Variants in RAD51B observed in about 807,000 individuals in gnomAD.
RAD51B encodes the protein RAD51 paralog B.
Under a neutral mutation model 42.2 loss-of-function variants are expected in RAD51B, and 38 were observed. The ratio of observed to expected loss-of-function variants is 0.90; its 90% CI spans 0.70 to 1.18. The LOEUF is 1.18. Among genes scored for constraint, RAD51B ranks in the 50% most tolerant of loss-of-function variants. The pLI is 0.00. For synonymous variants in RAD51B, 154 were observed against 145.2 expected (o/e 1.06, Z -0.43); for missense variants, 373 against 400.7 (o/e 0.93, Z 0.59).
intron 7 of RAD51B, among the ~76,000 whole-genome samples, chr14:67,914,268 C>T (rs1595100021): frequency 6.6e-6 from 1 of 152,178 alleles, no homozygotes; most frequent in Non-Finnish European, 1.5e-5. Context: ...TAGGTCTGAG[C>T]CCCTGTGCCC....
intron 7 of RAD51B, among the ~76,000 whole-genome samples, chr14:68,030,090 TGTTCTATTTCCA>T (rs1268666745): frequency 6.6e-6 from 1 of 152,242 alleles, no homozygotes; most frequent in Non-Finnish European, 1.5e-5. Context: ...TAGGTTTTGT[TGTTCTATTTCCA>T]GTGCACAGGC....
intron 8 of RAD51B, among the ~76,000 whole-genome samples, chr14:68,377,833 G>A (rs1328186598): frequency 6.6e-6 from 1 of 152,240 alleles, no homozygotes; most frequent in Non-Finnish European, 1.5e-5. Flanking sequence ...AAGGGAAGGA[G>A]CGAGACAAAA....
chr14:67,927,428 C>G (rs1480915862), intron 7 of RAD51B, among the ~76,000 whole-genome samples: 2 of 152,024 alleles, frequency 1.3e-5, no homozygotes, highest in African/African-American at 4.8e-5. Context: ...AACATTAGAT[C>G]TTGTTTCTTC....
intron 10 of RAD51B, among the ~76,000 whole-genome samples, chr14:68,474,552 G>A (rs984536712): frequency 7.9e-5 from 12 of 152,204 alleles, no homozygotes; most frequent in Non-Finnish European, 1.6e-4. Context: ...GTTCCAGAAA[G>A]GTAAAGTAAT....
intron 7 of RAD51B, among the ~76,000 whole-genome samples, chr14:68,175,269 T>A (rs1219062690): frequency 6.6e-6 from 1 of 152,228 alleles, no homozygotes; most frequent in Non-Finnish European, 1.5e-5. Context: ...AAAGTTGGTA[T>A]GTTTATAAAA....
intron 10 of RAD51B, among the ~76,000 whole-genome samples, chr14:68,506,386 G>A (rs1297336918): frequency 1.3e-5 from 2 of 152,202 alleles, no homozygotes; most frequent in Non-Finnish European, 1.5e-5. Context: ...CAGGCTCGGG[G>A]TAAATGCTAC....
At chr14:68,460,011 A>G (rs1170370537) in intron 9 of RAD51B, among the ~76,000 whole-genome samples, 1 of 152,228 alleles carries the variant, frequency 6.6e-6, no homozygotes, top group Non-Finnish European at 1.5e-5. Context: ...AAGAGAAAGT[A>G]GAAGAATCAG....
intron 11 of RAD51B, among the ~76,000 whole-genome samples, chr14:68,675,027 A>G (rs1893275239): frequency 6.6e-6 from 1 of 152,204 alleles, no homozygotes; most frequent in Non-Finnish European, 1.5e-5. Flanking sequence ...GGACTTTACC[A>G]TAAGCCATAG....
At chr14:68,278,649 G>A (rs1042307647) in intron 7 of RAD51B, among the ~76,000 whole-genome samples, 2 of 152,224 alleles carry the variant, frequency 1.3e-5, no homozygotes, top group African/African-American at 2.4e-5. Flanking sequence ...AGGGCTGAAA[G>A]AGCCAGTTAC....
chr14:68,046,715 G>A (rs1263319118), intron 7 of RAD51B, among the ~76,000 whole-genome samples: 4 of 152,146 alleles, frequency 2.6e-5, no homozygotes, highest in South Asian at 2.1e-4. Context: ...CAACCTGGGC[G>A]ACAGAGTGAG....
intron 7 of RAD51B, among the ~76,000 whole-genome samples, chr14:68,140,691 CT>C (rs1302070230): frequency 6.6e-6 from 1 of 152,196 alleles, no homozygotes; most frequent in Non-Finnish European, 1.5e-5. Context: ...TTTTGCAGTC[CT>C]CTTCATACCC....
At chr14:67,841,351 A>C (rs567365396) in intron 4 of RAD51B, among the ~76,000 whole-genome samples, 7 of 152,204 alleles carry the variant, frequency 4.6e-5, no homozygotes, top group Non-Finnish European at 7.3e-5. Context: ...TAGTTTGTGA[A>C]TATTTTCTCC....
chr14:68,279,742 T>G (rs2081286568), intron 7 of RAD51B, among the ~76,000 whole-genome samples: 1 of 152,224 alleles, frequency 6.6e-6, no homozygotes, highest in Non-Finnish European at 1.5e-5. Flanking sequence ...CAAATATCAT[T>G]TCAAATAGGA....
intron 11 of RAD51B, among the ~76,000 whole-genome samples, chr14:68,678,130 C>T (rs1041894856): frequency 1.4e-4 from 21 of 152,318 alleles, no homozygotes; most frequent in Admixed American, 8.5e-4. Flanking sequence ...CCCAAGGTTA[C>T]ATAGCTAATA....
At chr14:67,902,462 A>T (rs558789572) in intron 7 of RAD51B, among the ~76,000 whole-genome samples, 1 of 152,200 alleles carries the variant, frequency 6.6e-6, no homozygotes, top group East Asian at 1.9e-4. Context: ...CTAAGCTCAG[A>T]TAATGCACTT....
chr14:68,376,286 A>C (rs892831150), intron 8 of RAD51B, among the ~76,000 whole-genome samples: 3 of 152,084 alleles, frequency 2.0e-5, no homozygotes, highest in African/African-American at 7.2e-5. Context: ...TCAACCCCCC[A>C]AACCACACAC....
At chr14:68,483,724 T>C (rs1056053254) in intron 10 of RAD51B, among the ~76,000 whole-genome samples, 1 of 152,242 alleles carries the variant, frequency 6.6e-6, no homozygotes, top group African/African-American at 2.4e-5. Flanking sequence ...ATTCTTTCAG[T>C]AATGAATTCC....
intron 10 of RAD51B, among the ~76,000 whole-genome samples, chr14:68,560,363 A>T (rs1889080510): frequency 6.6e-6 from 1 of 152,194 alleles, no homozygotes; most frequent in Admixed American, 6.5e-5. Context: ...CATATTCGGC[A>T]TACAGTGGCC....
chr14:67,872,808 T>C (rs1411232563), intron 5 of RAD51B, among the ~76,000 whole-genome samples: 1 of 151,378 alleles, frequency 6.6e-6, no homozygotes, highest in Non-Finnish European at 1.5e-5. Context: ...ATCTGATCTT[T>C]GACAAACCTG....
Sources: gnomAD v4.1 joint callset for allele counts (sites outside exome capture counted in the v4.1 genomes callset) on GRCh38, gnomAD v4.1.1 for gene constraint, MANE v1.5 for transcripts, NCBI Gene and HGNC (gene_info 2026-07-23, HGNC 2026-07-21) for gene names.